SCLT1: variants seen among roughly 807,000 people sequenced by gnomAD.
The protein encoded by SCLT1 is sodium channel and clathrin linker 1, also known as sodium channel-associated protein 1.
Under a neutral mutation model 112.8 loss-of-function variants are expected in SCLT1, and 78 were observed. The observed-to-expected ratio is 0.69, with a 90% CI of 0.58 to 0.83. The LOEUF is 0.83. Ranked by LOEUF, SCLT1 falls within the 40% of genes least tolerant of loss-of-function variation. The pLI is 0.00. For missense variants in SCLT1, 747 were observed against 770.4 expected, an observed-to-expected ratio of 0.97 and a Z score of 0.36; for synonymous variants, 257 against 254.7, an observed-to-expected ratio of 1.01 and a Z score of -0.09.
At chr4:128,976,638 G>A (rs1168645032) in intron 9 of SCLT1, among the ~76,000 whole-genome samples, 1 of 151,904 alleles carries the variant, frequency 6.6e-6, no homozygotes, top group Non-Finnish European at 1.5e-5. Context: ...TCTTGAGGAG[G>A]GCCACAAAGC....
At chr4:128,985,769 G>C (rs1000547544) in intron 9 of SCLT1, among the ~76,000 whole-genome samples, 1 of 151,850 alleles carries the variant, frequency 6.6e-6, no homozygotes, top group Non-Finnish European at 1.5e-5. Context: ...TGTAGAGATG[G>C]GGTTTCACCA....
chr4:128,931,122 G>T (rs960224295), intron 18 of SCLT1, among the ~76,000 whole-genome samples: 1 of 151,876 alleles, frequency 6.6e-6, no homozygotes, highest in African/African-American at 2.4e-5. Context: ...ACTGAGTGGT[G>T]GGGGGAGAGA....
chr4:128,940,010 T>C lies in SCLT1; in HGVS notation c.1632+2986A>G, dbSNP rs114989354. Among the ~76,000 whole-genome samples, 1,409 of 152,256 alleles carry C rather than the reference T, an allele frequency of 9.3e-3. 22 individuals carry two copies. Among genetic ancestry groups the C allele is most frequent in the African/African-American group, 0.033 (1,358 of 41,544 alleles). On this transcript the variant is annotated intron_variant, in intron 17 of 20. Transcript: ENST00000281142. The stretch of plus-strand genomic sequence containing the variant: ...CGTTCGGCTCTTTATCAATGGCTAT[T>C]CTCTTAAGCTAGATACAGATTTGGT...
At chr4:129,087,780 A>C (rs1752522513) in intron 1 of SCLT1, among the ~76,000 whole-genome samples, 1 of 149,692 alleles carries the variant, frequency 6.7e-6, no homozygotes, top group South Asian at 2.1e-4. Context: ...AAAAAGGAAG[A>C]AAAAAAAAGA....
intron 18 of SCLT1, among the ~76,000 whole-genome samples, chr4:128,918,537 T>C (rs1482872268): frequency 6.6e-6 from 1 of 152,140 alleles, no homozygotes; most frequent in Admixed American, 6.6e-5. Context: ...TATAGGATTA[T>C]GTAAAGAGAC....
At chr4:128,997,811 A>G in intron 8 of SCLT1, 63 bp downstream of exon 8, 1 of 775,474 alleles carries the variant, frequency 1.3e-6, no homozygotes, top group East Asian at 3.2e-5. Context: ...GATTTATATT[A>G]ACATAAATAA....
rs913477280 is a variant in SCLT1 at position 128,909,854 on chromosome 4, T to C, written c.1830-18717A>G. ...AGAGAGGCAGACTGCAGATAAAATA[T>C]GGCAGAGAAAAGACTGTGAAAAATC... On this transcript the variant is annotated intron_variant, in intron 18 of 20. Transcript: ENST00000281142. Among the ~76,000 whole-genome samples, 4 of 152,190 alleles carry C rather than the reference T, an allele frequency of 2.6e-5. 1 individual carries two copies. The South Asian group carries it at 8.3e-4, about 32-fold the overall frequency.
intron 3 of SCLT1, 150 bp downstream of exon 3, chr4:129,043,841 ACT>A: frequency 1.8e-6 from 1 of 555,070 alleles, no homozygotes; most frequent in Admixed American, 3.7e-5. Flanking sequence ...AATTTTGTAG[ACT>A]CTGTAATACT....
chr4:128,882,586 C>T (rs1378398683), downstream of SCLT1, among the ~76,000 whole-genome samples: 6 of 152,148 alleles, frequency 3.9e-5, no homozygotes, highest in South Asian at 1.2e-3. Flanking sequence ...GAATACCCTC[C>T]AAGTGCCAGG....
chr4:129,048,610 A>T (rs1413066441), intron 2 of SCLT1, among the ~76,000 whole-genome samples: 1 of 152,048 alleles, frequency 6.6e-6, no homozygotes, highest in African/African-American at 2.4e-5. Context: ...AATGGCAACA[A>T]AAGACAAAAT....
At chr4:128,897,989 T>C (rs959078576) in intron 18 of SCLT1, among the ~76,000 whole-genome samples, 6 of 152,310 alleles carry the variant, frequency 3.9e-5, no homozygotes, top group Admixed American at 6.5e-5. Context: ...TAAATATATA[T>C]GCACCCAATA....
intron 18 of SCLT1, among the ~76,000 whole-genome samples, chr4:128,933,913 T>G (rs1413757839): frequency 1.3e-5 from 2 of 152,066 alleles, no homozygotes; most frequent in Non-Finnish European, 2.9e-5. Flanking sequence ...TATGATTTCT[T>G]GCATTTCCTT....
At chr4:129,030,720 A>T (rs1168233849) in intron 5 of SCLT1, among the ~76,000 whole-genome samples, 1 of 152,166 alleles carries the variant, frequency 6.6e-6, no homozygotes, top group Non-Finnish European at 1.5e-5. Flanking sequence ...AGAAGTGGAT[A>T]CATTCCTGAA....
chr4:128,887,108 G>A (rs2125920270), intron 20 of SCLT1, among the ~76,000 whole-genome samples: 1 of 152,262 alleles, frequency 6.6e-6, no homozygotes, highest in Non-Finnish European at 1.5e-5. Flanking sequence ...GCTTAGAGAA[G>A]TTGAAATTGC....
At chr4:129,085,414 G>A (rs1752305706) in intron 1 of SCLT1, among the ~76,000 whole-genome samples, 1 of 152,126 alleles carries the variant, frequency 6.6e-6, no homozygotes. Context: ...ACATTTTGGT[G>A]GGAATGTAAA....
chr4:128,902,913 G>A (rs1278120772), intron 18 of SCLT1, among the ~76,000 whole-genome samples: 1 of 151,980 alleles, frequency 6.6e-6, no homozygotes, highest in East Asian at 1.9e-4. Flanking sequence ...CCTACACAGG[G>A]TCAGGATTAT....
intron 2 of SCLT1, among the ~76,000 whole-genome samples, chr4:129,078,563 T>C (rs1751660474): frequency 6.6e-6 from 1 of 151,910 alleles, no homozygotes; most frequent in Non-Finnish European, 1.5e-5. Flanking sequence ...ATAAAAATAA[T>C]ATGGTTATAA....
rs143811142 is a variant in SCLT1 at position 129,056,196 on chromosome 4, C to T, written c.103-12145G>A. Among the ~76,000 whole-genome samples the T allele has an allele frequency of 5.5e-3, 840 of 152,290 alleles. 22 individuals are homozygous for T. The highest frequency in any genetic ancestry group is 0.01 in the East Asian group (53 of 5,180). ...AATCACCCACCTTCTGCATTGGTCT[C>T]GCTGGGAGCTGCAGACTGGAGCTGT... On this transcript the variant is annotated intron_variant, in intron 2 of 20. Coordinates refer to ENST00000281142, the MANE Select transcript of SCLT1 (RefSeq NM_144643.4).
chr4:129,092,746 A>C (rs1235181194), intron 1 of SCLT1, among the ~76,000 whole-genome samples: 2 of 152,236 alleles, frequency 1.3e-5, no homozygotes, highest in Non-Finnish European at 2.9e-5. Flanking sequence ...AAATGGCCAG[A>C]GAGCTGTGCC....
Sources: gnomAD v4.1 joint callset for allele counts (sites outside exome capture counted in the v4.1 genomes callset) on GRCh38, gnomAD v4.1.1 for gene constraint, MANE v1.5 for transcripts, NCBI Gene and HGNC (gene_info 2026-07-23, HGNC 2026-07-21) for gene names.